Variants in GCN1 observed in about 807,000 individuals in gnomAD.
GCN1 encodes the protein stalled ribosome sensor GCN1.
A neutral mutation model predicts 288.4 loss-of-function variants in GCN1; 90 were observed. The observed-to-expected ratio is 0.31, with a 90% CI of 0.26 to 0.37. The LOEUF is 0.37. Among genes scored for constraint, GCN1 ranks in the 10% least tolerant of loss-of-function variants. The probability of loss-of-function intolerance (pLI) is 1.00; values close to 1 mark genes in which losing one functional copy is unlikely to be tolerated. For synonymous variants in GCN1, 1,386 were observed against 1,420.2 expected (o/e 0.98, Z 0.54); for missense variants, 2,586 against 3,419.9 (o/e 0.76, Z 6.08).
At position 120,164,276 on chromosome 12, in the gene GCN1, G is replaced by A. The variant is rs939731204; in HGVS notation, c.1848+60C>T. On this transcript the variant is annotated intron_variant, in intron 18 of 57. Transcript: ENST00000300648. ...AGTGGCCCAGCCAAAACCCCACATC[G>A]TAAGCAGGGGCAGCTAAGTGGATCC... 2.7e-5 allele frequency: 40 copies of A among 1,486,192 alleles called. 1 individual carries two copies. In the South Asian group the frequency reaches 3.6e-4, roughly 14 times the overall value. The allele number at this position is 1,486,192 out of a possible 1,614,324, so 92.1% of individuals were successfully genotyped here. A position where few individuals can be genotyped will look rare whatever the true frequency, so the allele number is the denominator to read the frequency against.
intron 14 of GCN1, among the ~76,000 whole-genome samples, chr12:120,173,129 G>A (rs887844113): frequency 6.1e-5 from 9 of 148,014 alleles, no homozygotes; most frequent in African/African-American, 1.8e-4. Context: ...GCGCAATCTC[G>A]GCTCACTGCA....
chr12:120,172,034 T>A (rs566503297), intron 14 of GCN1, among the ~76,000 whole-genome samples: 45 of 152,256 alleles, frequency 3.0e-4, no homozygotes, highest in East Asian at 1.2e-3. Context: ...GCTATTTTTT[T>A]AATTTTTTTG....
chr12:120,127,559 A>AG lies in GCN1; in HGVS notation c.*289dup, dbSNP rs1876657013. ...ACCCACAGTCTGACCCTGCTATTATAGTTCCAGACCTAGCCATGCTAAACT... is the reference window on the plus strand; with the variant it reads ...ACCCACAGTCTGACCCTGCTATTATAGGTTCCAGACCTAGCCATGCTAAACT... On this transcript the variant is annotated 3_prime_UTR_variant, in exon 58 of 58. Transcript: ENST00000300648. 3.1e-6 allele frequency: 1 copy of AG among 317,674 alleles called. No individual in the cohort carries two copies. The highest frequency in any genetic ancestry group is 2.1e-5 in the African/African-American group (1 of 47,240). The allele number at this position is 317,674 out of a possible 1,614,324, so 19.7% of individuals were successfully genotyped here. A position where few individuals can be genotyped will look rare whatever the true frequency, so the allele number is the denominator to read the frequency against.
chr12:120,137,934 C>G lies in GCN1; in HGVS notation c.6360G>C (p.Leu2120=). 1.2e-6 allele frequency: 2 copies of G among 1,614,180 alleles called. No individual in the cohort carries two copies. The highest frequency in any genetic ancestry group is 1.7e-6 in the Non-Finnish European group (2 of 1,180,006). ...GVILPAVMLA[L]KEKLGTPDEQ... ...CATCTGGGGTCCCAAGCTTTTCCTT[C>G]AGGGCCAGCATGACCGCTGGGAGGA... Residue 2120 remains leucine (L), a synonymous_variant, in exon 48 of 58, where the codon CTG becomes CTC. Transcript: ENST00000300648. The surrounding 1 kb of genome is among the most constrained non-coding windows in gnomAD (Gnocchi z 5.2).
rs578085536 is a variant in GCN1 at position 120,153,963 on chromosome 12, C to T, written c.3702-54G>A. Reference sequence around the variant, plus strand: ...GGGGCAGTCAGGGGGCCTCCTCTGCCAGTGGAACCTCTGCTGGTGCACGGC... The same window carrying T: ...GGGGCAGTCAGGGGGCCTCCTCTGCTAGTGGAACCTCTGCTGGTGCACGGC... On this transcript the variant is annotated intron_variant, in intron 31 of 57. Transcript: ENST00000300648. The surrounding 1 kb of genome is among the most constrained non-coding windows in gnomAD (Gnocchi z 4.4). The T allele has an allele frequency of 1.3e-6, 2 of 1,484,804 alleles. No homozygotes were observed. The highest frequency in any genetic ancestry group is 1.8e-5 in the Admixed American group (1 of 55,860). The allele number at this position is 1,484,804 out of a possible 1,614,324, so 92.0% of individuals were successfully genotyped here. A position where few individuals can be genotyped will look rare whatever the true frequency, so the allele number is the denominator to read the frequency against.
intron 45 of GCN1, among the ~76,000 whole-genome samples, chr12:120,140,571 C>G (rs4611268): frequency 1.3e-5 from 2 of 152,160 alleles, no homozygotes; most frequent in Non-Finnish European, 2.9e-5. Context: ...GAGACTGATC[C>G]TGAGCAACCT....
chr12:120,129,529 G>A, intron 56 of GCN1, 35 bp from the exon 57 acceptor site: 2 of 1,479,928 alleles, frequency 1.4e-6, no homozygotes, highest in Admixed American at 1.7e-5. Context: ...TTTTGGATAG[G>A]CATGTCATCT....
intron 5 of GCN1, among the ~76,000 whole-genome samples, chr12:120,180,303 A>T (rs2139136460): frequency 6.6e-6 from 1 of 152,034 alleles, no homozygotes; most frequent in African/African-American, 2.4e-5. Flanking sequence ...CAGCCTGGGC[A>T]ACGAGAGCGA....
At chr12:120,157,107 G>A in intron 26 of GCN1, 115 bp from the exon 27 acceptor site, 1 of 675,608 alleles carries the variant, frequency 1.5e-6, no homozygotes, top group South Asian at 1.7e-5. Context: ...CATACAACCG[G>A]CCCCACCACA....
At chr12:120,190,043 C>T (rs897133844) in intron 2 of GCN1, among the ~76,000 whole-genome samples, 2 of 151,098 alleles carry the variant, frequency 1.3e-5, no homozygotes, top group African/African-American at 2.4e-5. Flanking sequence ...CACTGTCATT[C>T]GAGAAACCCC....
Position 120,158,373 on chromosome 12 carries a change from G to A in GCN1, c.2905+87C>T. On this transcript the variant is annotated intron_variant, in intron 25 of 57. Coordinates refer to ENST00000300648, the MANE Select transcript of GCN1 (RefSeq NM_006836.2). This position sits in a 1 kb window ranked among gnomAD's most constrained non-coding sequence, Gnocchi z 4.3. Reference sequence around the variant, plus strand: ...ATATGGTCCAATCCCCCAGGCTCAGGAGGCCCTGGGTGACGCTGTGCCTTG... The same window carrying A: ...ATATGGTCCAATCCCCCAGGCTCAGAAGGCCCTGGGTGACGCTGTGCCTTG... 2 of 1,128,556 alleles carry A rather than the reference G, an allele frequency of 1.8e-6. No homozygotes were observed. The highest frequency in any genetic ancestry group is 1.6e-5 in the South Asian group (1 of 62,588). The allele number at this position is 1,128,556 out of a possible 1,614,324, so 69.9% of individuals were successfully genotyped here. A position where few individuals can be genotyped will look rare whatever the true frequency, so the allele number is the denominator to read the frequency against.
intron 45 of GCN1, 141 bp from the exon 46 acceptor site, chr12:120,138,997 T>G: frequency 1.5e-6 from 1 of 661,640 alleles, no homozygotes; most frequent in Non-Finnish European, 2.5e-6. Flanking sequence ...AACTTAACTC[T>G]TTACTGTGAA....
intron 2 of GCN1, among the ~76,000 whole-genome samples, chr12:120,189,985 G>GA (rs1878952053): frequency 6.6e-6 from 1 of 151,088 alleles, no homozygotes. Context: ...GTCTCAAAAA[G>GA]AAGAAAAAAA....
In GCN1 at chr12:120,131,219, T is replaced by C. The variant is rs1471216674; in HGVS notation, c.7529A>G (p.Gln2510Arg). The C allele has an allele frequency of 6.2e-6, 10 of 1,614,214 alleles. No individual in the cohort carries two copies. The highest frequency in any genetic ancestry group is 8.5e-6 in the Non-Finnish European group (10 of 1,180,016). Residue 2510 changes from glutamine (Q) to arginine (R), a missense_variant, in exon 55 of 58, where the codon CAG becomes CGG. Physicochemically the swap from Gln to Arg is conservative, Grantham distance 43. Coordinates refer to ENST00000300648, the MANE Select transcript of GCN1 (RefSeq NM_006836.2). Reference protein sequence around the residue: ...LCAGRYSSDVQEMILSSATAD... With the variant: ...LCAGRYSSDVREMILSSATAD... Reference sequence around the variant, plus strand: ...CGTGGCACTGCTCAGGATCATTTCCTGAACATCACTGCTATATCTGCCGGC... The same window carrying C: ...CGTGGCACTGCTCAGGATCATTTCCCGAACATCACTGCTATATCTGCCGGC...
intron 54 of GCN1, among the ~76,000 whole-genome samples, chr12:120,131,647 T>C (rs1672185000): frequency 6.6e-6 from 1 of 152,198 alleles, no homozygotes; most frequent in African/African-American, 2.4e-5. Flanking sequence ...AGGGCCTCGC[T>C]CTGTCGCCCA....
rs753603793 is a variant in GCN1 at position 120,184,274 on chromosome 12, A to G, written c.186-31T>C. ...GGGAGAGGCAAAGGAAAGGGTGAAC[A>G]TGCAGACCTCAGGCAGAGGCAGGGG... is the stretch of plus-strand genomic sequence containing the variant. On this transcript the variant is annotated intron_variant, in intron 3 of 57. Coordinates refer to ENST00000300648, the MANE Select transcript of GCN1 (RefSeq NM_006836.2). 8.1e-6 allele frequency: 13 copies of G among 1,598,018 alleles called. No homozygotes were observed. In the Admixed American group the frequency reaches 2.0e-4, roughly 25 times the overall value.
At chr12:120,162,274 T>TA in intron 20 of GCN1, 1 of 570,496 alleles carries the variant, frequency 1.8e-6, no homozygotes, top group Admixed American at 3.1e-5. Flanking sequence ...CGTGAGGTGA[T>TA]ACACTCCTTC....
At position 120,162,980 on chromosome 12, in the gene GCN1, G is replaced by C; in HGVS notation, c.2039-9C>G. The C allele has an allele frequency of 6.2e-7, 1 of 1,614,224 alleles. No homozygotes were observed. The highest frequency in any genetic ancestry group is 2.2e-5 in the East Asian group (1 of 44,888). ...TCCAGACTGCACGGCAACTGAAGGG[G>C]AAGGGAGCTCTTTGAGGCCTTCTGC... On this transcript the variant is annotated splice_polypyrimidine_tract_variant and intron_variant, in intron 19 of 57. Coordinates refer to ENST00000300648, the MANE Select transcript of GCN1 (RefSeq NM_006836.2).
chr12:120,159,868 CAAG>C lies in GCN1; in HGVS notation c.2703_2705del (p.Phe901del). 6.2e-7 allele frequency: 1 copy of C among 1,614,206 alleles called. No individual in the cohort carries two copies. Among genetic ancestry groups the C allele is most frequent in the Non-Finnish European group, 8.5e-7 (1 of 1,180,036 alleles). On this transcript the variant is annotated inframe_deletion, in exon 24 of 58. Transcript: ENST00000300648. Reference sequence around the variant, plus strand: ...AGGGCATGACACAGGCAGCCAAGGACAAGAAGGGGTTCTTGATCCTGGGAGCAG... The same window carrying C: ...AGGGCATGACACAGGCAGCCAAGGACAAGGGGTTCTTGATCCTGGGAGCAG...
Sources: allele counts gnomAD v4.1 joint callset (sites outside exome capture counted in the v4.1 genomes callset), GRCh38; gene constraint gnomAD v4.1.1; non-coding constraint Gnocchi (gnomAD v3.1); transcripts MANE v1.5; gene names NCBI Gene and HGNC (gene_info 2026-07-23, HGNC 2026-07-21).